JOSD1: variants seen among roughly 807,000 people sequenced by gnomAD.
The protein encoded by JOSD1 is josephin-1.
In JOSD1, 11 loss-of-function variants were observed where a neutral mutation model predicts 24.3. That is an observed-to-expected ratio of 0.45 (90% confidence interval 0.29 to 0.75). The LOEUF is 0.75. Among genes scored for constraint, JOSD1 ranks in the 30% least tolerant of loss-of-function variants. JOSD1 has a pLI of 0.11. For synonymous variants in JOSD1, 106 were observed against 93.8 expected, an observed-to-expected ratio of 1.13 and a Z score of -0.75; for missense variants, 184 against 253.5, an observed-to-expected ratio of 0.73 and a Z score of 1.86.
In JOSD1 at chr22:38,700,606, T is replaced by A; in HGVS notation, c.-619A>T. On this transcript the variant is annotated 5_prime_UTR_variant, in exon 2 of 5. Coordinates refer to ENST00000683374, the MANE Select transcript of JOSD1 (RefSeq NM_001360236.2). ...CCTCGGAAGGCGCGGATTCTAGCCCTCTGGCCGCGGCCCTGCGGAGGAGGA... is the reference window on the plus strand; with the variant it reads ...CCTCGGAAGGCGCGGATTCTAGCCCACTGGCCGCGGCCCTGCGGAGGAGGA... The A allele has an allele frequency of 1.0e-6, 1 of 985,116 alleles. No homozygotes were observed. Among genetic ancestry groups the A allele is most frequent in the African/African-American group, 1.7e-5 (1 of 57,284 alleles). 61.0% of individuals were successfully genotyped at this position (985,116 alleles called of 1,614,324 possible).
Position 38,689,384 on chromosome 22 carries a change from T to A in JOSD1, c.226A>T (p.Met76Leu). ...ACATCGTAGTTGCCATTTCCCAGCA[T>A]GCTCTTCTTGTGAGGTGTCACCATG... is the stretch of plus-strand genomic sequence containing the variant. ...NTMVTPHKKS[M>L]LGNGNYDVNV... The change falls in exon 3 of 5, where the codon ATG becomes TTG. Residue 76 changes from methionine to leucine, a missense_variant. Physicochemically the swap from Met to Leu is conservative, Grantham distance 15. Coordinates refer to ENST00000683374, the MANE Select transcript of JOSD1 (RefSeq NM_001360236.2). The A allele has an allele frequency of 6.2e-7, 1 of 1,614,254 alleles. No homozygotes were observed.
intron 2 of JOSD1, among the ~76,000 whole-genome samples, chr22:38,693,287 G>T (rs1464825254): frequency 6.6e-6 from 1 of 152,048 alleles, no homozygotes; most frequent in Non-Finnish European, 1.5e-5. Flanking sequence ...TTCTGTCTTG[G>T]ATTCAAATCC....
chr22:38,686,436 AG>A lies in JOSD1; in HGVS notation c.*1465del, dbSNP rs2092498247. ...CACGACCATTGATCTGAGGGCCAGC[AG>A]GTCACCCCTGCCTGCCACCTGCCTT... On this transcript the variant is annotated 3_prime_UTR_variant, in exon 5 of 5. Transcript: ENST00000683374. The A allele has an allele frequency of 6.6e-6, 1 of 152,304 alleles. No homozygotes were observed. The highest frequency in any genetic ancestry group is 1.5e-5 in the Non-Finnish European group (1 of 68,074). 9.4% of individuals were successfully genotyped at this position (152,304 alleles called of 1,614,324 possible). A position where few individuals can be genotyped will look rare whatever the true frequency, so the allele number is the denominator to read the frequency against.
At chr22:38,689,214 C>A in intron 3 of JOSD1, 82 bp downstream of exon 3, 1 of 1,603,088 alleles carries the variant, frequency 6.2e-7, no homozygotes, top group Non-Finnish European at 8.5e-7. Flanking sequence ...GCTACCTCCC[C>A]ACTCATGCCA....
rs1569268004 is a variant in JOSD1 at position 38,700,428 on chromosome 22, G to A, written c.-441C>T. ...ATTTCTTTTGAACCACGACGCCAAT[G>A]ACTCGGGAGACAAGGCCTGGGTGAC... On this transcript the variant is annotated 5_prime_UTR_variant, in exon 2 of 5. Coordinates refer to ENST00000683374, the MANE Select transcript of JOSD1 (RefSeq NM_001360236.2). 2.0e-6 allele frequency: 2 copies of A among 987,728 alleles called. No individual in the cohort carries two copies. The highest frequency in any genetic ancestry group is 2.4e-6 in the Non-Finnish European group (2 of 831,326). 61.2% of individuals were successfully genotyped at this position (987,728 alleles called of 1,614,324 possible).
chr22:38,698,192 G>A (rs931786249), intron 2 of JOSD1, among the ~76,000 whole-genome samples: 1 of 152,190 alleles, frequency 6.6e-6, no homozygotes, highest in Non-Finnish European at 1.5e-5. Context: ...CCTCCTTTCA[G>A]TGACATGACC....
chr22:38,697,524 C>CCA (rs1164909567), intron 2 of JOSD1, among the ~76,000 whole-genome samples: 2 of 152,232 alleles, frequency 1.3e-5, no homozygotes, highest in Admixed American at 1.3e-4. Flanking sequence ...TTGTTATCAT[C>CCA]CACACACACT....
chr22:38,700,833 GCC>G lies in JOSD1; in HGVS notation c.-667_-666del. On this transcript the variant is annotated 5_prime_UTR_variant, in exon 1 of 5. Transcript: ENST00000683374. ...CCGTCACGTGAGCGCAGGCCCAGAC[GCC>G]CTCCCGCCGCGCCCCCGGCCGCAGA... The G allele has an allele frequency of 1.0e-6, 1 of 984,478 alleles. No individual in the cohort carries two copies. The highest frequency in any genetic ancestry group is 4.7e-5 in the South Asian group (1 of 21,278). The allele number at this position is 984,478 out of a possible 1,614,324, so 61.0% of individuals were successfully genotyped here. A position where few individuals can be genotyped will look rare whatever the true frequency, so the allele number is the denominator to read the frequency against.
upstream of JOSD1, chr22:38,701,117 G>A (rs1046742987): frequency 2.6e-6 from 1 of 385,246 alleles, no homozygotes; most frequent in African/African-American, 2.2e-5. Flanking sequence ...GCGTGTAGGG[G>A]CGCAGTTCAA....
chr22:38,688,817 G>A (rs751216495), intron 4 of JOSD1, 118 bp downstream of exon 4: 2 of 921,850 alleles, frequency 2.2e-6, no homozygotes, highest in Non-Finnish European at 3.3e-6. Context: ...AAGGCAGGGA[G>A]AGAATCCAAG....
At chr22:38,688,416 C>A (rs2092507433) in intron 4 of JOSD1, among the ~76,000 whole-genome samples, 1 of 152,160 alleles carries the variant, frequency 6.6e-6, no homozygotes, top group African/African-American at 2.4e-5. Context: ...GCGTCCGCCA[C>A]CACGCCTGGC....
At chr22:38,694,126 T>C (rs972017321) in intron 2 of JOSD1, among the ~76,000 whole-genome samples, 4 of 152,222 alleles carry the variant, frequency 2.6e-5, no homozygotes, top group African/African-American at 9.7e-5. Context: ...GGAATGGTCA[T>C]TTGAATAAGT....
At chr22:38,689,912 C>CTGTGTGTG (rs57064558) in intron 2 of JOSD1, among the ~76,000 whole-genome samples, 3,789 of 144,600 alleles carry the variant, frequency 0.026, 115 homozygotes, top group East Asian at 0.068. Context: ...TAAAGGCATT[C>CTGTGTGTG]TGTGTGTGTG....
rs1280061023 is a variant in JOSD1, at chr22:38,686,954, T to TC, written c.*947dup. 6.6e-6 allele frequency: 1 copy of TC among 152,258 alleles called. No individual in the cohort carries two copies. Among genetic ancestry groups the TC allele is most frequent in the African/African-American group, 2.4e-5 (1 of 41,466 alleles). The allele number at this position is 152,258 out of a possible 1,614,324, so 9.4% of individuals were successfully genotyped here. Reference sequence around the variant, plus strand: ...AAGAAACCAAGCCACCCCATGGCTGTCCCAGGTTGGCTTTAGCCACATCCT... The same window carrying TC: ...AAGAAACCAAGCCACCCCATGGCTGTCCCCAGGTTGGCTTTAGCCACATCCT... On this transcript the variant is annotated 3_prime_UTR_variant, in exon 5 of 5. Transcript: ENST00000683374.
At chr22:38,701,268 C>A (rs1331559216), upstream of JOSD1, 2 of 152,352 alleles carry the variant, frequency 1.3e-5, no homozygotes, top group African/African-American at 2.4e-5. Context: ...TGGACGCCAG[C>A]CTGCCCTTCT....
chr22:38,693,424 T>C (rs1238937373), intron 2 of JOSD1, among the ~76,000 whole-genome samples: 2 of 152,226 alleles, frequency 1.3e-5, no homozygotes, highest in African/African-American at 4.8e-5. Flanking sequence ...TCAGCCTCTA[T>C]GTTCCTGCCA....
At chr22:38,695,810 C>A (rs796927752) in intron 2 of JOSD1, among the ~76,000 whole-genome samples, 2 of 152,094 alleles carry the variant, frequency 1.3e-5, no homozygotes, top group African/African-American at 4.8e-5. Flanking sequence ...GTAATCCCAG[C>A]ACTTTGGGAG....
At chr22:38,690,016 A>C (rs1277344722) in intron 2 of JOSD1, among the ~76,000 whole-genome samples, 3 of 152,084 alleles carry the variant, frequency 2.0e-5, no homozygotes, top group Non-Finnish European at 4.4e-5. Context: ...CCAGGCAAAC[A>C]AAACTCAGCT....
rs1375254224 is a variant in JOSD1 at position 38,689,144 on chromosome 22, T to C, written c.315-15A>G. 6 of 1,609,160 alleles carry C rather than the reference T, an allele frequency of 3.7e-6. No individual in the cohort carries two copies. The highest frequency in any genetic ancestry group is 1.7e-6 in the Non-Finnish European group (2 of 1,176,318). On this transcript the variant is annotated splice_polypyrimidine_tract_variant and intron_variant, in intron 3 of 4. Transcript: ENST00000683374. ...CACCGACATCCCTGCAGGGGAGAAA[T>C]GGTGGCAGGCTCTGATGCAGCCCAT...
Sources: allele counts gnomAD v4.1 joint callset (sites outside exome capture counted in the v4.1 genomes callset), GRCh38; gene constraint gnomAD v4.1.1; transcripts MANE v1.5; gene names NCBI Gene and HGNC (gene_info 2026-07-23, HGNC 2026-07-21).